The following CPNE4 variants were observed in gnomAD, a reference collection of about 807,000 sequenced individuals.
CPNE4 encodes copine 4.
A neutral mutation model predicts 67.9 loss-of-function variants in CPNE4; 25 were observed. The ratio of observed to expected loss-of-function variants is 0.37; its 90% CI spans 0.27 to 0.51. The LOEUF is 0.51. Among genes scored for constraint, CPNE4 ranks in the 20% least tolerant of loss-of-function variants. The probability of loss-of-function intolerance (pLI) is 0.93; values close to 1 mark genes in which losing one functional copy is unlikely to be tolerated. For synonymous variants in CPNE4, 242 were observed against 244.9 expected, an observed-to-expected ratio of 0.99 and a Z score of 0.11; for missense variants, 464 against 690.8, an observed-to-expected ratio of 0.67 and a Z score of 3.68.
chr3:131,552,335 G>GCA, intron 13 of CPNE4, 105 bp downstream of exon 13: 1 of 925,578 alleles, frequency 1.1e-6, no homozygotes, highest in South Asian at 1.5e-5. Context: ...CAGAGATTCT[G>GCA]TGGACAATCG....
chr3:131,574,734 A>G (rs1479301196), intron 10 of CPNE4, among the ~76,000 whole-genome samples: 1 of 151,852 alleles, frequency 6.6e-6, no homozygotes, highest in Non-Finnish European at 1.5e-5. Flanking sequence ...ACTTCCTTTC[A>G]ATTTTTCTCA....
rs1189513111 is a variant in CPNE4, at chr3:131,564,342, A to G, written c.935T>C (p.Ile312Thr). The G allele has an allele frequency of 6.2e-7, 1 of 1,610,396 alleles. No homozygotes were observed. ...GTCCCCGTTTGAGGCAGTGAAATCT[A>G]TAGCTACCTAAAAGAGAAAAATACA... is the stretch of plus-strand genomic sequence containing the variant. ...GGCQIQFTVA[I>T]DFTASNGDPR... Residue 312 changes from isoleucine to threonine, a missense_variant, in exon 11 of 16, where the codon ATA (isoleucine) becomes ACA (threonine). By Grantham distance (89) the Ile-to-Thr change is moderately conservative. This residue lies in a region of CPNE4 where 201 missense variants were observed against 357.7 expected (regional missense o/e 0.56). Coordinates refer to ENST00000429747, the MANE Select transcript of CPNE4 (RefSeq NM_130808.3).
intron 2 of CPNE4, among the ~76,000 whole-genome samples, chr3:131,744,571 G>A (rs1178095317): frequency 1.3e-5 from 2 of 152,138 alleles, no homozygotes; most frequent in African/African-American, 4.8e-5. Flanking sequence ...CTTCTATAGT[G>A]ACAACCACTT....
chr3:131,894,984 G>A (rs1282579059), intron 2 of CPNE4, among the ~76,000 whole-genome samples: 1 of 151,980 alleles, frequency 6.6e-6, no homozygotes, highest in African/African-American at 2.4e-5. Context: ...CGAATGAATG[G>A]ATAAGATAGT....
At chr3:131,903,131 T>A (rs2088613308) in intron 2 of CPNE4, among the ~76,000 whole-genome samples, 1 of 152,096 alleles carries the variant, frequency 6.6e-6, no homozygotes, top group South Asian at 2.1e-4. Flanking sequence ...CTTTCTCCTA[T>A]AGAGTGGAAG....
chr3:131,590,073 G>A (rs1021614063), intron 7 of CPNE4, among the ~76,000 whole-genome samples: 1 of 152,146 alleles, frequency 6.6e-6, no homozygotes, highest in Admixed American at 6.5e-5. Flanking sequence ...AATTTTCAAG[G>A]TGAGATTATT....
rs573124999 is a variant in CPNE4, at chr3:131,822,679, C to A, written c.180+82585G>T. The stretch of plus-strand genomic sequence containing the variant: ...AAAGTATATATATCCAGTTCACTGT[C>A]TCACTCTTGCAGCCACAGAATAATC... On this transcript the variant is annotated intron_variant, in intron 2 of 15. Transcript: ENST00000429747. Among the ~76,000 whole-genome samples the A allele has an allele frequency of 4.1e-4, 62 of 152,290 alleles. 1 individual carries two copies. The highest frequency in any genetic ancestry group is 1.5e-3 in the African/African-American group (62 of 41,564).
chr3:131,986,672 G>A (rs999920361), intron 1 of CPNE4, among the ~76,000 whole-genome samples: 14 of 152,038 alleles, frequency 9.2e-5, no homozygotes, highest in East Asian at 7.7e-4. Flanking sequence ...CCAGGCAGGC[G>A]GATCACGAGG....
At chr3:131,871,524 G>A (rs190767101) in intron 2 of CPNE4, among the ~76,000 whole-genome samples, 12 of 152,138 alleles carry the variant, frequency 7.9e-5, no homozygotes, top group Admixed American at 5.2e-4. Flanking sequence ...GGAAGCATGC[G>A]CTATCCTGCT....
chr3:131,840,783 A>C (rs535057851), intron 2 of CPNE4, among the ~76,000 whole-genome samples: 11 of 152,324 alleles, frequency 7.2e-5, no homozygotes, highest in African/African-American at 2.6e-4. Flanking sequence ...ATAGTTATAT[A>C]AACAGGCATT....
chr3:132,013,266 T>C (rs1489286040), intron 1 of CPNE4, among the ~76,000 whole-genome samples: 1 of 152,166 alleles, frequency 6.6e-6, no homozygotes, highest in Non-Finnish European at 1.5e-5. Context: ...CTTGTATTTA[T>C]TTAGGCAATT....
At chr3:131,581,149 G>T (rs1172309166) in intron 9 of CPNE4, among the ~76,000 whole-genome samples, 7 of 152,130 alleles carry the variant, frequency 4.6e-5, no homozygotes, top group Non-Finnish European at 8.8e-5. Flanking sequence ...CTCCAGCCTG[G>T]GTGACAGAGC....
At chr3:131,978,557 T>C (rs1232491570) in intron 1 of CPNE4, among the ~76,000 whole-genome samples, 1 of 93,646 alleles carries the variant, frequency 1.1e-5, no homozygotes, top group South Asian at 3.3e-4. Context: ...TATATATATA[T>C]ATGCCACAGT....
chr3:131,666,351 G>T (rs965005098), intron 7 of CPNE4, among the ~76,000 whole-genome samples: 2 of 152,060 alleles, frequency 1.3e-5, no homozygotes, highest in African/African-American at 4.8e-5. Flanking sequence ...TAGGTCCACA[G>T]AGACCTTAAA....
chr3:131,802,177 G>A (rs145503007), intron 2 of CPNE4, among the ~76,000 whole-genome samples: 14 of 152,248 alleles, frequency 9.2e-5, no homozygotes, highest in African/African-American at 2.6e-4. Context: ...ATTTGAGGCC[G>A]TAGAAATATG....
intron 2 of CPNE4, among the ~76,000 whole-genome samples, chr3:131,851,999 A>G (rs1045245989): frequency 2.0e-5 from 3 of 152,022 alleles, no homozygotes; most frequent in Non-Finnish European, 4.4e-5. Context: ...AGTCCACACC[A>G]TGGGAAGCTG....
At chr3:131,675,325 C>A (rs2080527808) in intron 6 of CPNE4, among the ~76,000 whole-genome samples, 1 of 152,112 alleles carries the variant, frequency 6.6e-6, no homozygotes, top group Admixed American at 6.6e-5. Flanking sequence ...CTATTAGGTC[C>A]ATTTGGCCTA....
At chr3:131,595,487 G>GT (rs1393387122) in intron 7 of CPNE4, among the ~76,000 whole-genome samples, 5 of 152,146 alleles carry the variant, frequency 3.3e-5, no homozygotes, top group African/African-American at 1.2e-4. Flanking sequence ...AAGAAAAGAG[G>GT]TTTAGGTTGT....
intron 2 of CPNE4, among the ~76,000 whole-genome samples, chr3:131,767,648 C>T (rs984511923): frequency 2.6e-5 from 4 of 152,094 alleles, no homozygotes; most frequent in Non-Finnish European, 5.9e-5. Context: ...TCTGCTGCTT[C>T]AGTGAATATT....
Sources: gnomAD v4.1 joint callset for allele counts (sites outside exome capture counted in the v4.1 genomes callset) on GRCh38, gnomAD v4.1.1 for gene constraint, gnomAD v4.1.1 regional missense constraint, MANE v1.5 for transcripts, NCBI Gene and HGNC (gene_info 2026-07-23, HGNC 2026-07-21) for gene names.